The following FER variants were observed in gnomAD, a reference collection of about 807,000 sequenced individuals.
FER encodes FER tyrosine kinase, also known as tyrosine-protein kinase Fer.
In FER, 63 loss-of-function variants were observed where a neutral mutation model predicts 111.0. The observed-to-expected ratio is 0.57, with a 90% confidence interval of 0.46 to 0.70. FER has a LOEUF of 0.70. Ranked by LOEUF, FER falls within the 30% of genes least tolerant of loss-of-function variation. The pLI, the probability that FER is intolerant of heterozygous loss-of-function variation, is 0.00. For missense variants in FER, 914 were observed against 954.0 expected, an observed-to-expected ratio of 0.96 and a Z score of 0.55; for synonymous variants, 327 against 313.9, an observed-to-expected ratio of 1.04 and a Z score of -0.44.
chr5:108,945,705 T>A (rs1756893243), intron 10 of FER, among the ~76,000 whole-genome samples: 1 of 152,060 alleles, frequency 6.6e-6, no homozygotes, highest in South Asian at 2.1e-4. Flanking sequence ...TATTCCTGTT[T>A]TTTTTTGTGA....
In FER at chr5:109,139,350, C is replaced by CTTTTTTTTTTTTTTTTT. The variant is rs59092426; in HGVS notation, c.2048+38833_2048+38849dup. Among the ~76,000 whole-genome samples, 52 of 91,094 alleles carry CTTTTTTTTTTTTTTTTT rather than the reference C, an allele frequency of 5.7e-4. 2 individuals carry two copies. The highest frequency in any genetic ancestry group is 2.0e-3 in the African/African-American group (45 of 22,698). The allele number at this position is 91,094 out of a possible 152,430, so 59.8% of individuals were successfully genotyped here. A position where few individuals can be genotyped will look rare whatever the true frequency, so the allele number is the denominator to read the frequency against. On this transcript the variant is annotated intron_variant, in intron 17 of 19. Coordinates refer to ENST00000281092, the MANE Select transcript of FER (RefSeq NM_005246.4). Reference sequence around the variant, plus strand: ...TGTCTTTACTTCTCCTTCTTTCTTTCTTTTTTTTTTTTTTTTTTGAGGCAG... The same window carrying CTTTTTTTTTTTTTTTTT: ...TGTCTTTACTTCTCCTTCTTTCTTTCTTTTTTTTTTTTTTTTTTTTTTTTTTTTTTTTTTTGAGGCAG...
At chr5:109,012,204 G>T (rs545710240) in intron 13 of FER, among the ~76,000 whole-genome samples, 16 of 152,306 alleles carry the variant, frequency 1.1e-4, no homozygotes, top group African/African-American at 3.8e-4. Flanking sequence ...CATGTTATAG[G>T]TTTGCTTAAA....
At chr5:108,926,583 C>T (rs898263041) in intron 10 of FER, among the ~76,000 whole-genome samples, 2 of 152,112 alleles carry the variant, frequency 1.3e-5, no homozygotes, top group African/African-American at 2.4e-5. Context: ...GAACTTCTAC[C>T]CATAGCCTTG....
chr5:108,765,733 G>A (rs1364618133), intron 1 of FER, among the ~76,000 whole-genome samples: 1 of 152,158 alleles, frequency 6.6e-6, no homozygotes, highest in Non-Finnish European at 1.5e-5. Flanking sequence ...TGCTGATAGA[G>A]AAGAGAGTTT....
intron 10 of FER, among the ~76,000 whole-genome samples, chr5:108,915,537 A>G (rs1351677247): frequency 6.6e-6 from 1 of 152,138 alleles, no homozygotes; most frequent in Non-Finnish European, 1.5e-5. Flanking sequence ...TTTCTTTATA[A>G]TAAGGCACAG....
intron 13 of FER, among the ~76,000 whole-genome samples, chr5:109,001,274 G>T (rs1483840910): frequency 6.6e-6 from 1 of 152,160 alleles, no homozygotes; most frequent in East Asian, 1.9e-4. Context: ...ACATCAAAAA[G>T]CTTATCCACC....
At chr5:109,104,811 C>T (rs908873726) in intron 17 of FER, among the ~76,000 whole-genome samples, 2 of 151,948 alleles carry the variant, frequency 1.3e-5, no homozygotes, top group African/African-American at 2.4e-5. Context: ...GGCGCCATCT[C>T]GGCTCACTGC....
chr5:109,116,877 A>C (rs1457349033), intron 17 of FER, among the ~76,000 whole-genome samples: 10 of 152,304 alleles, frequency 6.6e-5, no homozygotes, highest in Admixed American at 6.5e-4. Flanking sequence ...AGTGAAATGA[A>C]TAATAAATAC....
intron 13 of FER, among the ~76,000 whole-genome samples, chr5:108,974,488 A>G (rs375658561): frequency 1.3e-5 from 2 of 152,334 alleles, no homozygotes; most frequent in African/African-American, 4.8e-5. Context: ...TGGAGACTAC[A>G]TTAGTCATCA....
intron 3 of FER, among the ~76,000 whole-genome samples, chr5:108,811,548 A>T (rs1208271871): frequency 6.6e-6 from 1 of 152,216 alleles, no homozygotes; most frequent in African/African-American, 2.4e-5. Context: ...TATAGATGAC[A>T]GTAAAGTGAA....
chr5:108,861,630 A>T (rs1000362526), intron 5 of FER, among the ~76,000 whole-genome samples: 1 of 152,198 alleles, frequency 6.6e-6, no homozygotes, highest in African/African-American at 2.4e-5. Context: ...TGAATGAAAA[A>T]TAAGAATTTT....
At chr5:108,775,096 A>C (rs966905353) in intron 2 of FER, among the ~76,000 whole-genome samples, 2 of 152,144 alleles carry the variant, frequency 1.3e-5, no homozygotes, top group Non-Finnish European at 2.9e-5. Context: ...GTCCAGTTTC[A>C]GTTTTCTGCA....
intron 3 of FER, 95 bp downstream of exon 3, chr5:108,798,484 G>A (rs1756292174): frequency 2.2e-6 from 2 of 906,390 alleles, no homozygotes; most frequent in Non-Finnish European, 3.4e-6. Context: ...ACTTAAGTCA[G>A]CATTCTAAAG....
At chr5:109,104,891 C>T (rs999232450) in intron 17 of FER, among the ~76,000 whole-genome samples, 3 of 152,000 alleles carry the variant, frequency 2.0e-5, no homozygotes, top group South Asian at 2.1e-4. Flanking sequence ...TACAGGTGCC[C>T]GCCACCACGC....
chr5:108,832,884 C>T lies in FER; in HGVS notation c.322C>T (p.Gln108Ter). Residue 108 changes from glutamine to a stop codon, truncating the protein, a stop_gained, in exon 4 of 20, where the codon CAG becomes TAG. Coordinates refer to ENST00000281092, the MANE Select transcript of FER (RefSeq NM_005246.4). LOFTEE classifies it high-confidence loss of function. ...HRLTMMIKDK[Q>*]QVKKSYIGVH... is the part of the protein sequence containing the mutation. ...GCTCACCATGATGATTAAGGACAAG[C>T]AGCAGGTGAAGAAAAGTTACATAGG... 6.2e-7 allele frequency: 1 copy of T among 1,606,650 alleles called. No individual in the cohort carries two copies.
rs552985602 is a variant in FER, at chr5:108,765,140, C to T, written c.-205-2953C>T. Among the ~76,000 whole-genome samples the T allele has an allele frequency of 3.0e-4, 45 of 152,252 alleles. 2 individuals carry two copies. The highest frequency in any genetic ancestry group is 1.1e-3 in the African/African-American group (45 of 41,542). ...TTAGAAAGCAGTCATTATGCATTTT[C>T]AACTGTTATGTATGGAAACGTTTGC... On this transcript the variant is annotated intron_variant, in intron 1 of 19. Transcript: ENST00000281092.
At chr5:108,845,037 T>TATAC (rs1561503193) in intron 5 of FER, among the ~76,000 whole-genome samples, 4 of 54,220 alleles carry the variant, frequency 7.4e-5, no homozygotes, top group South Asian at 6.3e-4. Flanking sequence ...TATATATATA[T>TATAC]ATACATATAT....
At chr5:108,856,558 A>C (rs1362160543) in intron 5 of FER, among the ~76,000 whole-genome samples, 2 of 152,186 alleles carry the variant, frequency 1.3e-5, no homozygotes, top group South Asian at 4.1e-4. Context: ...TGATACAGTC[A>C]TATCCTAACA....
Position 109,068,371 on chromosome 5 carries a change from A to T in FER, c.1924+21173A>T, listed in dbSNP as rs1216649783. Among the ~76,000 whole-genome samples, 4 of 151,990 alleles carry T rather than the reference A, an allele frequency of 2.6e-5. 1 individual carries two copies. In the South Asian group the frequency reaches 8.3e-4, roughly 32 times the overall value. Reference sequence around the variant, plus strand: ...GCTAATTTTTGTGTTTTTTGTAGAGATGGGGTTTCACCATATTGGCCAGGC... The same window carrying T: ...GCTAATTTTTGTGTTTTTTGTAGAGTTGGGGTTTCACCATATTGGCCAGGC... On this transcript the variant is annotated intron_variant, in intron 16 of 19. Transcript: ENST00000281092.
Sources: gnomAD v4.1 joint callset for allele counts (sites outside exome capture counted in the v4.1 genomes callset) on GRCh38, gnomAD v4.1.1 for gene constraint, MANE v1.5 for transcripts, NCBI Gene and HGNC (gene_info 2026-07-23, HGNC 2026-07-21) for gene names.